Variants in PARN observed in about 807,000 individuals in gnomAD.
PARN encodes poly(A)-specific ribonuclease PARN.
A neutral mutation model predicts 102.8 loss-of-function variants in PARN; 71 were observed. That is an observed-to-expected ratio of 0.69 (90% CI 0.57 to 0.84). The LOEUF is 0.84. Ranked by LOEUF, PARN falls within the 40% of genes least tolerant of loss-of-function variation. The pLI is 0.00. For missense variants in PARN, 782 were observed against 760.9 expected (o/e 1.03, Z -0.33); for synonymous variants, 261 against 252.9 (o/e 1.03, Z -0.30).
chr16:14,590,691 C>T (rs1354953492), intron 13 of PARN, among the ~76,000 whole-genome samples: 2 of 150,514 alleles, frequency 1.3e-5, no homozygotes, highest in African/African-American at 4.9e-5. Context: ...TGTTTTGAGA[C>T]CCACAACTAT....
In PARN at chr16:14,604,189, T is replaced by G; in HGVS notation, c.740A>C (p.Glu247Ala). The change falls in exon 11 of 24, where the codon GAA becomes GCA. Residue 247 changes from glutamate to alanine, a missense_variant. By Grantham distance (107) the Glu-to-Ala change is moderately radical. Transcript: ENST00000437198. The stretch of plus-strand genomic sequence containing the variant: ...CTGCTGCTCTCTTCTTTTGCGTTCT[T>G]CTTCATCTACTTTGCTGATAACTAT... ...RYIVISKVDE[E>A]ERKRREQQKH... The G allele has an allele frequency of 6.2e-7, 1 of 1,600,938 alleles. No individual in the cohort carries two copies. The highest frequency in any genetic ancestry group is 2.2e-5 in the East Asian group (1 of 44,772).
At chr16:14,511,894 A>G (rs981908138) in intron 21 of PARN, among the ~76,000 whole-genome samples, 1 of 152,098 alleles carries the variant, frequency 6.6e-6, no homozygotes, top group African/African-American at 2.4e-5. Context: ...GTAGAGATGA[A>G]GGTCTTTCTG....
intron 13 of PARN, chr16:14,592,103 G>T (rs538966735): frequency 1.3e-5 from 2 of 152,106 alleles, no homozygotes; most frequent in Non-Finnish European, 2.9e-5. Flanking sequence ...TTTTGGAAAT[G>T]ACCAGATCTG....
At chr16:14,448,115 G>C (rs1478039550) in intron 22 of PARN, among the ~76,000 whole-genome samples, 1 of 151,558 alleles carries the variant, frequency 6.6e-6, no homozygotes, top group African/African-American at 2.4e-5. Context: ...CTCCCAACTA[G>C]CTGGGATTAC....
chr16:14,537,482 C>G (rs1276969003), intron 21 of PARN, among the ~76,000 whole-genome samples: 1 of 152,146 alleles, frequency 6.6e-6, no homozygotes, highest in Non-Finnish European at 1.5e-5. Context: ...ACGCTGCACC[C>G]CCATGTTTAC....
chr16:14,562,460 T>TA (rs1324062596), intron 18 of PARN, among the ~76,000 whole-genome samples: 2 of 112,618 alleles, frequency 1.8e-5, no homozygotes, highest in Admixed American at 8.8e-5. Flanking sequence ...AAACTATGAA[T>TA]AAAAAAAAGA....
chr16:14,536,731 G>A (rs1966625784), intron 21 of PARN, among the ~76,000 whole-genome samples: 3 of 152,124 alleles, frequency 2.0e-5, no homozygotes, highest in Non-Finnish European at 4.4e-5. Context: ...TAAGTGGTAT[G>A]TGAAACGCTT....
In PARN at chr16:14,586,005, C is replaced by T. The variant is rs1969833131; in HGVS notation, c.962+313G>A. On this transcript the variant is annotated intron_variant, in intron 14 of 23. Coordinates refer to ENST00000437198, the MANE Select transcript of PARN (RefSeq NM_002582.4). The stretch of plus-strand genomic sequence containing the variant: ...CTTTTTTTTTTTTTTTTTTTTGAGA[C>T]AGGATCTCACTCTGTCACCCAGGCT... Among the ~76,000 whole-genome samples, 17 of 125,962 alleles carry T rather than the reference C, an allele frequency of 1.3e-4. No homozygotes were observed. The South Asian group carries it at 4.3e-3, about 32-fold the overall frequency. 82.6% of individuals were successfully genotyped at this position (125,962 alleles called of 152,430 possible).
At position 14,554,110 on chromosome 16, in the gene PARN, T is replaced by C. The variant is rs1275831280; in HGVS notation, c.1360A>G (p.Lys454Glu). Residue 454 changes from lysine to glutamate, a missense_variant, in exon 20 of 24, where the codon AAA becomes GAA. Coordinates refer to ENST00000437198, the MANE Select transcript of PARN (RefSeq NM_002582.4). ...TAAAGGTCGCTGGTTTTCCATTCTT[T>C]GGGGAATGTCACATGGAGAACATGA... is the stretch of plus-strand genomic sequence containing the variant. The part of the protein sequence containing the change: ...RDHVLHVTFP[K>E]EWKTSDLYQL... The C allele has an allele frequency of 3.1e-6, 5 of 1,613,482 alleles. No homozygotes were observed. The Admixed American group carries it at 6.7e-5, about 22-fold the overall frequency.
rs532613932 is a variant in PARN, at chr16:14,492,912, A to G, written c.1481-10085T>C. Reference sequence around the variant, plus strand: ...ACTTCTCTTTCCTTATCCATAAAACAGACATCTCCACCTACCTTACAAAGC... The same window carrying G: ...ACTTCTCTTTCCTTATCCATAAAACGGACATCTCCACCTACCTTACAAAGC... On this transcript the variant is annotated intron_variant, in intron 21 of 23. Coordinates refer to ENST00000437198, the MANE Select transcript of PARN (RefSeq NM_002582.4). Among the ~76,000 whole-genome samples the G allele has an allele frequency of 2.6e-5, 4 of 152,308 alleles. No individual in the cohort carries two copies. The East Asian group carries it at 5.8e-4, about 22-fold the overall frequency.
chr16:14,597,479 G>A (rs899235980), intron 12 of PARN, among the ~76,000 whole-genome samples: 9 of 151,848 alleles, frequency 5.9e-5, no homozygotes, highest in Non-Finnish European at 1.2e-4. Flanking sequence ...GGCGGATCAC[G>A]AGGTCAGGAG....
At chr16:14,520,156 A>G (rs931682377) in intron 21 of PARN, among the ~76,000 whole-genome samples, 3 of 152,218 alleles carry the variant, frequency 2.0e-5, no homozygotes, top group African/African-American at 7.2e-5. Flanking sequence ...TAAAGTTCAG[A>G]CTGTAAGAAA....
chr16:14,574,227 G>A (rs1026783249), intron 18 of PARN, among the ~76,000 whole-genome samples: 1 of 152,050 alleles, frequency 6.6e-6, no homozygotes, highest in African/African-American at 2.4e-5. Flanking sequence ...GCAGACACTG[G>A]CAGCATTTTG....
chr16:14,561,202 C>T (rs1295359642), intron 18 of PARN, among the ~76,000 whole-genome samples: 1 of 151,758 alleles, frequency 6.6e-6, no homozygotes, highest in Non-Finnish European at 1.5e-5. Flanking sequence ...CACTGTGTCC[C>T]AGGCTGCCTA....
chr16:14,451,686 G>T (rs896837113), intron 22 of PARN, among the ~76,000 whole-genome samples: 19 of 151,700 alleles, frequency 1.3e-4, no homozygotes, highest in African/African-American at 4.4e-4. Flanking sequence ...TTAATTCCCT[G>T]TGTCTTTATA....
chr16:14,564,810 T>C (rs769234937), intron 18 of PARN, among the ~76,000 whole-genome samples: 2 of 152,176 alleles, frequency 1.3e-5, no homozygotes, highest in African/African-American at 2.4e-5. Flanking sequence ...TGCATTCGTG[T>C]CCATCTGCTT....
At chr16:14,486,294 GA>G (rs1477659828) in intron 21 of PARN, among the ~76,000 whole-genome samples, 1 of 152,174 alleles carries the variant, frequency 6.6e-6, no homozygotes, top group African/African-American at 2.4e-5. Context: ...CTGAGCCCAG[GA>G]AGTCAAGTCT....
In PARN at chr16:14,545,785, A is replaced by C. The variant is rs546099820; in HGVS notation, c.1480+6236T>G. On this transcript the variant is annotated intron_variant, in intron 21 of 23. Coordinates refer to ENST00000437198, the MANE Select transcript of PARN (RefSeq NM_002582.4). ...GGTGTTTCAGCACCACCTCTTACCA[A>C]TCACTGGCTAATCAGTAAGATATTA... is the stretch of plus-strand genomic sequence containing the variant. Among the ~76,000 whole-genome samples the C allele has an allele frequency of 1.2e-4, 18 of 152,330 alleles. No individual in the cohort carries two copies. In the South Asian group the frequency reaches 3.7e-3, roughly 32 times the overall value.
At chr16:14,591,281 C>T (rs2151764411) in intron 13 of PARN, among the ~76,000 whole-genome samples, 1 of 151,668 alleles carries the variant, frequency 6.6e-6, no homozygotes, top group East Asian at 1.9e-4. Context: ...GTCCCAGCTA[C>T]TCGGGAGGCT....
Sources: gnomAD v4.1 joint callset for allele counts (sites outside exome capture counted in the v4.1 genomes callset) on GRCh38, gnomAD v4.1.1 for gene constraint, MANE v1.5 for transcripts, NCBI Gene and HGNC (gene_info 2026-07-23, HGNC 2026-07-21) for gene names.